The following PKHD1 variants were observed in gnomAD, a reference collection of about 807,000 sequenced individuals.
The protein encoded by PKHD1 is fibrocystin.
A neutral mutation model predicts 412.0 loss-of-function variants in PKHD1; 291 were observed. The ratio of observed to expected loss-of-function variants is 0.71; its 90% CI spans 0.64 to 0.78. The LOEUF is 0.78. Ranked by LOEUF, PKHD1 falls within the 30% of genes least tolerant of loss-of-function variation. The probability of loss-of-function intolerance (pLI) is 0.00; values close to 1 mark genes in which losing one functional copy is unlikely to be tolerated. For synonymous variants in PKHD1, 1,777 were observed against 1,821.5 expected (o/e 0.98, Z 0.62); for missense variants, 4,825 against 4,950.7 (o/e 0.97, Z 0.76).
chr6:52,042,840 G>A lies in PKHD1; in HGVS notation c.3097+19C>T. 6.2e-7 allele frequency: 1 copy of A among 1,608,732 alleles called. No individual in the cohort carries two copies. Among genetic ancestry groups the A allele is most frequent in the Non-Finnish European group, 8.5e-7 (1 of 1,175,784 alleles). ...AGCTTCAGAGGGTCAGACATACTGT[G>A]AGACCCTCCCCAGATTACCAATATC... On this transcript the variant is annotated intron_variant, in intron 27 of 66. Coordinates refer to ENST00000371117, the MANE Select transcript of PKHD1 (RefSeq NM_138694.4).
chr6:51,958,643 G>A (rs1267999508), intron 36 of PKHD1, among the ~76,000 whole-genome samples: 2 of 152,072 alleles, frequency 1.3e-5, no homozygotes, highest in Non-Finnish European at 2.9e-5. Flanking sequence ...ATGCCTGAAG[G>A]GGAGCCCATA....
At chr6:51,961,005 C>T (rs144022258) in intron 35 of PKHD1, among the ~76,000 whole-genome samples, 1 of 152,022 alleles carries the variant, frequency 6.6e-6, no homozygotes, top group African/African-American at 2.4e-5. Context: ...GAAGGTGATT[C>T]CTTCAAGGTA....
chr6:51,682,335 T>C, intron 60 of PKHD1: 1 of 420,410 alleles, frequency 2.4e-6, no homozygotes, highest in Non-Finnish European at 4.8e-6. Context: ...TTCTAATACC[T>C]GAGCATCAGT....
chr6:51,938,099 G>A (rs578171069), intron 36 of PKHD1, among the ~76,000 whole-genome samples: 7 of 147,588 alleles, frequency 4.7e-5, no homozygotes, highest in African/African-American at 1.5e-4. Flanking sequence ...ACTAATGAAA[G>A]GCCACAAGGC....
intron 60 of PKHD1, among the ~76,000 whole-genome samples, chr6:51,693,305 A>T (rs749480559): frequency 2.0e-5 from 3 of 152,232 alleles, no homozygotes; most frequent in Non-Finnish European, 4.4e-5. Context: ...CCTCCATGTG[A>T]ACCATATACT....
In PKHD1 at chr6:51,632,739, G is replaced by A; in HGVS notation, c.11507-16C>T. 1.9e-6 allele frequency: 3 copies of A among 1,607,684 alleles called. No homozygotes were observed. The highest frequency in any genetic ancestry group is 1.1e-5 in the South Asian group (1 of 90,896). On this transcript the variant is annotated splice_polypyrimidine_tract_variant and intron_variant, in intron 64 of 66. Transcript: ENST00000371117. Reference sequence around the variant, plus strand: ...AAATTGACTCCTGTGGCGGGGAAAAGAAGATGTTTCAATGATATGTTAATA... The same window carrying A: ...AAATTGACTCCTGTGGCGGGGAAAAAAAGATGTTTCAATGATATGTTAATA...
chr6:51,702,229 G>GTA (rs1294842919), intron 60 of PKHD1, among the ~76,000 whole-genome samples: 4 of 92,676 alleles, frequency 4.3e-5, no homozygotes, highest in African/African-American at 1.4e-4. Context: ...TTATATATAT[G>GTA]TCATGGAATA....
At position 52,084,905 on chromosome 6, in the gene PKHD1, C is replaced by T; in HGVS notation, c.29G>A (p.Ser10Asn). ...ACCTGCCAAAAGTAGTACTTCAATA[C>T]TCATCAGAGAGATCAGCCAGGCAGT... Reference protein sequence around the residue: MTAWLISLMSIEVLLLAVRH... With the variant: MTAWLISLMNIEVLLLAVRH... Residue 10 changes from serine (S) to asparagine (N), a missense_variant, in exon 2 of 67, where the codon AGT becomes AAT. Transcript: ENST00000371117. The T allele has an allele frequency of 1.2e-6, 2 of 1,607,450 alleles. No homozygotes were observed. Among genetic ancestry groups the T allele is most frequent in the Non-Finnish European group, 1.7e-6 (2 of 1,174,044 alleles).
At chr6:51,825,353 C>T (rs2151479632) in intron 52 of PKHD1, among the ~76,000 whole-genome samples, 1 of 152,300 alleles carries the variant, frequency 6.6e-6, no homozygotes, top group East Asian at 1.9e-4. Context: ...GCTTAGAAGG[C>T]ATGTGGCTTC....
intron 60 of PKHD1, among the ~76,000 whole-genome samples, chr6:51,688,405 C>T (rs887206122): frequency 6.6e-6 from 1 of 151,882 alleles, no homozygotes; most frequent in Admixed American, 6.6e-5. Context: ...AACCTAATAT[C>T]ACAACTAAAA....
At chr6:51,755,803 T>C (rs1375728076) in intron 55 of PKHD1, among the ~76,000 whole-genome samples, 1 of 152,170 alleles carries the variant, frequency 6.6e-6, no homozygotes, top group African/African-American at 2.4e-5. Flanking sequence ...CATTCAATCA[T>C]GCAACCTTTA....
intron 53 of PKHD1, among the ~76,000 whole-genome samples, chr6:51,784,264 G>T (rs1375952805): frequency 6.6e-6 from 1 of 151,836 alleles, no homozygotes; most frequent in Non-Finnish European, 1.5e-5. Context: ...AGTAATTGTG[G>T]TTTTTGCCAT....
At chr6:51,623,368 T>C (rs1433557520) in intron 66 of PKHD1, among the ~76,000 whole-genome samples, 2 of 152,136 alleles carry the variant, frequency 1.3e-5, no homozygotes, top group Non-Finnish European at 2.9e-5. Flanking sequence ...CAGTATATCC[T>C]TTGGTCTCTA....
intron 60 of PKHD1, among the ~76,000 whole-genome samples, chr6:51,735,530 C>T (rs189648055): frequency 1.8e-4 from 27 of 152,086 alleles, no homozygotes; most frequent in Admixed American, 3.3e-4. Context: ...GCTTTGTATG[C>T]GATGAAAGCT....
chr6:51,980,969 T>C (rs563802376), intron 35 of PKHD1, among the ~76,000 whole-genome samples: 67 of 152,322 alleles, frequency 4.4e-4, no homozygotes, highest in Middle Eastern at 3.4e-3. Flanking sequence ...CATAGCAATA[T>C]TTGTCCAAAT....
chr6:51,986,820 G>T (rs1037426114), intron 35 of PKHD1, among the ~76,000 whole-genome samples: 2 of 152,076 alleles, frequency 1.3e-5, no homozygotes, highest in African/African-American at 4.8e-5. Context: ...ATATGACACC[G>T]CCAGGAGTTT....
chr6:51,662,900 T>A (rs1773096948), intron 60 of PKHD1, among the ~76,000 whole-genome samples: 1 of 152,080 alleles, frequency 6.6e-6, no homozygotes, highest in Non-Finnish European at 1.5e-5. Context: ...TTGGATTCAT[T>A]GCATTGAATG....
intron 60 of PKHD1, among the ~76,000 whole-genome samples, chr6:51,743,403 A>G (rs971927021): frequency 2.6e-5 from 4 of 152,174 alleles, no homozygotes; most frequent in African/African-American, 4.8e-5. Context: ...AGGGACAGCT[A>G]GGCAAGAAGC....
At chr6:51,941,704 T>G (rs1243780282) in intron 36 of PKHD1, among the ~76,000 whole-genome samples, 1 of 151,478 alleles carries the variant, frequency 6.6e-6, no homozygotes, top group African/African-American at 2.4e-5. Flanking sequence ...CAAACCCATA[T>G]ACTCTCCTAT....
Sources: allele counts gnomAD v4.1 joint callset (sites outside exome capture counted in the v4.1 genomes callset), GRCh38; gene constraint gnomAD v4.1.1; transcripts MANE v1.5; gene names NCBI Gene and HGNC (gene_info 2026-07-23, HGNC 2026-07-21).